Variants in HDAC9 observed in about 807,000 individuals in gnomAD.
HDAC9 encodes histone deacetylase 9, also known as MEF-2 interacting transcription repressor (MITR) protein.
Under a neutral mutation model 139.4 loss-of-function variants are expected in HDAC9, and 41 were observed. The ratio of observed to expected loss-of-function variants is 0.29; its 90% CI spans 0.23 to 0.38. The LOEUF (loss-of-function observed/expected upper bound fraction) is 0.38, where lower values mean the gene tolerates loss of function less well. HDAC9 is among the 10% of genes least tolerant of loss of function. The pLI is 1.00. For missense variants in HDAC9, 1,147 were observed against 1,297.0 expected (o/e 0.88, Z 1.78); for synonymous variants, 517 against 476.2 (o/e 1.09, Z -1.12).
intron 1 of HDAC9, among the ~76,000 whole-genome samples, chr7:18,366,510 A>G (rs1250482449): frequency 6.6e-6 from 1 of 152,138 alleles, no homozygotes; most frequent in Admixed American, 6.6e-5. Context: ...TCCTTCAGTC[A>G]CATTTGGCCA....
At chr7:18,587,055 C>T (rs1254107420) in intron 3 of HDAC9, among the ~76,000 whole-genome samples, 5 of 152,074 alleles carry the variant, frequency 3.3e-5, no homozygotes, top group African/African-American at 1.2e-4. Context: ...CATTTTGCTG[C>T]TTTAAGTGAG....
intron 1 of HDAC9, among the ~76,000 whole-genome samples, chr7:18,318,253 G>T (rs1423882415): frequency 1.3e-5 from 2 of 152,174 alleles, no homozygotes; most frequent in Non-Finnish European, 2.9e-5. Flanking sequence ...CAGGCCAAGG[G>T]ATTAATAGAA....
At chr7:18,375,056 A>T (rs1163100157) in intron 1 of HDAC9, among the ~76,000 whole-genome samples, 1 of 152,230 alleles carries the variant, frequency 6.6e-6, no homozygotes, top group African/African-American at 2.4e-5. Context: ...TATACTATTA[A>T]TCATTATTTT....
chr7:18,890,878 C>CAA (rs1272546842), intron 22 of HDAC9, among the ~76,000 whole-genome samples: 1 of 152,112 alleles, frequency 6.6e-6, no homozygotes, highest in African/African-American at 2.4e-5. Flanking sequence ...GATGAAAAGA[C>CAA]AAAGGTAAGC....
intron 2 of HDAC9, among the ~76,000 whole-genome samples, chr7:18,239,977 AATTTGTCCTGGACTTTGT>A (rs1228090214): frequency 2.1e-5 from 3 of 143,254 alleles, no homozygotes; most frequent in Non-Finnish European, 3.0e-5. Context: ...TTTTCTGGAT[AATTTGTCCTGGACTTTGT>A]CCAGGACAGA....
intron 21 of HDAC9, among the ~76,000 whole-genome samples, chr7:18,859,379 C>T (rs1240035441): frequency 6.6e-6 from 1 of 152,004 alleles, no homozygotes; most frequent in East Asian, 1.9e-4. Flanking sequence ...AGATCTTGGG[C>T]TGATCTCCTG....
intron 1 of HDAC9, among the ~76,000 whole-genome samples, chr7:18,336,492 A>C (rs1178983699): frequency 3.3e-5 from 5 of 151,656 alleles, no homozygotes; most frequent in Non-Finnish European, 5.9e-5. Context: ...CTTCATTTTA[A>C]CATATGTACT....
intron 16 of HDAC9, among the ~76,000 whole-genome samples, chr7:18,787,760 G>A (rs542133544): frequency 1.2e-4 from 18 of 152,286 alleles, no homozygotes; most frequent in African/African-American, 4.3e-4. Context: ...CCTGACCTTG[G>A]AAATAAATGG....
chr7:18,097,442 A>G (rs1005486682), intron 1 of HDAC9, among the ~76,000 whole-genome samples: 5 of 145,908 alleles, frequency 3.4e-5, no homozygotes, highest in African/African-American at 1.2e-4. Context: ...GCTTTACCAA[A>G]TAAGTTTTAT....
intron 14 of HDAC9, among the ~76,000 whole-genome samples, chr7:18,755,796 G>T (rs959253030): frequency 3.9e-5 from 6 of 152,028 alleles, no homozygotes; most frequent in Non-Finnish European, 1.5e-5. Flanking sequence ...CTTTAGAAAT[G>T]GCTCTATGTC....
At chr7:18,807,072 T>A (rs1203168602) in intron 17 of HDAC9, among the ~76,000 whole-genome samples, 2 of 152,182 alleles carry the variant, frequency 1.3e-5, no homozygotes, top group African/African-American at 4.8e-5. Flanking sequence ...CCAATGAAGC[T>A]TTTTGGTCCT....
intron 2 of HDAC9, among the ~76,000 whole-genome samples, chr7:18,510,299 G>C (rs1359497265): frequency 6.6e-6 from 1 of 152,104 alleles, no homozygotes; most frequent in African/African-American, 2.4e-5. Context: ...AATTTCCTGG[G>C]ATATGTGTCT....
intron 1 of HDAC9, among the ~76,000 whole-genome samples, chr7:18,349,001 T>C (rs1373681565): frequency 1.3e-5 from 2 of 152,126 alleles, no homozygotes; most frequent in Admixed American, 1.3e-4. Context: ...CCTGTATATC[T>C]GTCTTCAAGC....
At chr7:18,335,344 C>G (rs1418176937) in intron 1 of HDAC9, among the ~76,000 whole-genome samples, 1 of 151,468 alleles carries the variant, frequency 6.6e-6, no homozygotes, top group African/African-American at 2.4e-5. Context: ...ATCTTAGGTC[C>G]TAATCTTGTG....
At chr7:18,925,488 G>C (rs1341632744) in intron 22 of HDAC9, among the ~76,000 whole-genome samples, 1 of 152,018 alleles carries the variant, frequency 6.6e-6, no homozygotes, top group Non-Finnish European at 1.5e-5. Context: ...ACAGTTCCTT[G>C]GTCACATAGT....
At chr7:18,465,005 G>C (rs746902005) in intron 1 of HDAC9, among the ~76,000 whole-genome samples, 1 of 151,928 alleles carries the variant, frequency 6.6e-6, no homozygotes, top group Non-Finnish European at 1.5e-5. Flanking sequence ...TTGTATGTTT[G>C]GGATATTTTG....
chr7:18,284,638 G>A (rs1017788422), intron 2 of HDAC9, among the ~76,000 whole-genome samples: 12 of 152,042 alleles, frequency 7.9e-5, no homozygotes, highest in Non-Finnish European at 1.2e-4. Flanking sequence ...GAACTTGGCC[G>A]ATTTATCTAA....
At chr7:18,971,187 A>G (rs1784222418) in intron 24 of HDAC9, among the ~76,000 whole-genome samples, 1 of 152,192 alleles carries the variant, frequency 6.6e-6, no homozygotes. Flanking sequence ...TACTTTTGCC[A>G]GAAAAAAACA....
At chr7:18,208,695 T>C (rs1406648338) in intron 2 of HDAC9, among the ~76,000 whole-genome samples, 4 of 152,024 alleles carry the variant, frequency 2.6e-5, no homozygotes, top group East Asian at 3.9e-4. Flanking sequence ...TTTTAAATTG[T>C]AAACAAAGTT....
Sources: gnomAD v4.1 joint callset for allele counts (sites outside exome capture counted in the v4.1 genomes callset) on GRCh38, gnomAD v4.1.1 for gene constraint, MANE v1.5 for transcripts, NCBI Gene and HGNC (gene_info 2026-07-23, HGNC 2026-07-21) for gene names.